Variants in KCNQ1 observed in about 807,000 individuals in gnomAD.
The protein encoded by KCNQ1 is potassium voltage-gated channel subfamily Q member 1.
Under a neutral mutation model 72.4 loss-of-function variants are expected in KCNQ1, and 49 were observed. That is an observed-to-expected ratio of 0.68 (90% confidence interval 0.54 to 0.86). The LOEUF (loss-of-function observed/expected upper bound fraction) is 0.86, where lower values mean the gene tolerates loss of function less well. Ranked by LOEUF, KCNQ1 falls within the 40% of genes least tolerant of loss-of-function variation. The pLI is 0.00. For synonymous variants in KCNQ1, 450 were observed against 412.6 expected (o/e 1.09, Z -1.10); for missense variants, 790 against 945.1 (o/e 0.84, Z 2.15).
chr11:2,653,186 C>T lies in KCNQ1; in HGVS notation c.1394-8775C>T, dbSNP rs2133845411. ...TTAGGAAATCCCTTTCCAAGAGTTC[C>T]CTGTGCTGTTGCAGGGCTAGGGCCA... On this transcript the variant is annotated intron_variant, in intron 10 of 15. Transcript: ENST00000155840. This position sits in a 1 kb window ranked among gnomAD's most constrained non-coding sequence, Gnocchi z 5.3. 2.5e-6 allele frequency: 1 copy of T among 398,714 alleles called. No individual in the cohort carries two copies. The highest frequency in any genetic ancestry group is 4.4e-6 in the Non-Finnish European group (1 of 226,112). 24.7% of individuals were successfully genotyped at this position (398,714 alleles called of 1,614,324 possible).
intron 15 of KCNQ1, among the ~76,000 whole-genome samples, chr11:2,836,250 A>C (rs538334988): frequency 6.6e-6 from 1 of 152,282 alleles, no homozygotes; most frequent in East Asian, 1.9e-4. Flanking sequence ...CCCCAGATTC[A>C]AGGCGGGTGG....
At chr11:2,633,901 T>C (rs1014926977) in intron 10 of KCNQ1, 2 of 398,520 alleles carry the variant, frequency 5.0e-6, no homozygotes, top group South Asian at 2.5e-4. Flanking sequence ...TTTTCACTTT[T>C]GTGAATATTG....
At position 2,559,312 on chromosome 11, in the gene KCNQ1, C is replaced by A. The variant is rs994640822; in HGVS notation, c.478-11316C>A. 6.6e-6 allele frequency among the ~76,000 whole-genome samples: 1 copy of A among 152,158 alleles called. No homozygotes were observed. The highest frequency in any genetic ancestry group is 1.5e-5 in the Non-Finnish European group (1 of 68,026). ...GTAGAGAAATGTGTGAACATGGCTC[C>A]CCTTAGGCCAGGGGTAGACGCAGGC... On this transcript the variant is annotated intron_variant, in intron 2 of 15. Coordinates refer to ENST00000155840, the MANE Select transcript of KCNQ1 (RefSeq NM_000218.3). The surrounding 1 kb of genome is among the most constrained non-coding windows in gnomAD (Gnocchi z 4.9).
At position 2,682,381 on chromosome 11, in the gene KCNQ1, G is replaced by A. The variant is rs1169248902; in HGVS notation, c.1514+20300G>A. On this transcript the variant is annotated intron_variant, in intron 11 of 15. Transcript: ENST00000155840. This position sits in a 1 kb window ranked among gnomAD's most constrained non-coding sequence, Gnocchi z 5.8. ...TGGCTCCTTCTATCACATTCAAGGA[G>A]CATGAGGGTATAGGCTGGCTGTTTC... is the stretch of plus-strand genomic sequence containing the variant. 2 of 398,514 alleles carry A rather than the reference G, an allele frequency of 5.0e-6. No homozygotes were observed. 24.7% of individuals were successfully genotyped at this position (398,514 alleles called of 1,614,324 possible).
chr11:2,670,252 G>T lies in KCNQ1; in HGVS notation c.1514+8171G>T. The stretch of plus-strand genomic sequence containing the variant: ...CTTTGACCCTGCACATGACGGGCGA[G>T]GGAAGAGGACCATGGTAGCTTGTCT... On this transcript the variant is annotated intron_variant, in intron 11 of 15. Coordinates refer to ENST00000155840, the MANE Select transcript of KCNQ1 (RefSeq NM_000218.3). The surrounding 1 kb of genome is among the most constrained non-coding windows in gnomAD (Gnocchi z 4.9). The T allele has an allele frequency of 2.5e-6, 1 of 398,598 alleles. No homozygotes were observed. The highest frequency in any genetic ancestry group is 1.3e-4 in the South Asian group (1 of 7,856). The allele number at this position is 398,598 out of a possible 1,614,324, so 24.7% of individuals were successfully genotyped here. A position where few individuals can be genotyped will look rare whatever the true frequency, so the allele number is the denominator to read the frequency against.
intron 11 of KCNQ1, among the ~76,000 whole-genome samples, chr11:2,733,774 C>CCACACATACACACACA (rs1845892373): frequency 1.7e-5 from 1 of 57,492 alleles, no homozygotes; most frequent in Non-Finnish European, 3.4e-5. Context: ...TTCAGGCCTT[C>CCACACATACACACACA]CACACACACA....
chr11:2,482,938 C>T lies in KCNQ1; in HGVS notation c.386+37454C>T, dbSNP rs919491592. Among the ~76,000 whole-genome samples, 6 of 152,032 alleles carry T rather than the reference C, an allele frequency of 3.9e-5. No individual in the cohort carries two copies. The highest frequency in any genetic ancestry group is 7.3e-5 in the African/African-American group (3 of 41,376). On this transcript the variant is annotated intron_variant, in intron 1 of 15. Coordinates refer to ENST00000155840, the MANE Select transcript of KCNQ1 (RefSeq NM_000218.3). The surrounding 1 kb of genome is among the most constrained non-coding windows in gnomAD (Gnocchi z 5.7). ...TGGAGAGAGTCATGGACCGGCATGG[C>T]GTGGTAATGCATGGTGCGTGTCTCT...
intron 10 of KCNQ1, chr11:2,633,992 G>A (rs1485646904): frequency 2.3e-5 from 9 of 398,410 alleles, no homozygotes; most frequent in East Asian, 7.1e-5. Flanking sequence ...TTGAAGAGTC[G>A]ACTGTATTTT....
intron 15 of KCNQ1, among the ~76,000 whole-genome samples, chr11:2,835,944 C>T (rs1338584069): frequency 2.0e-5 from 3 of 152,050 alleles, no homozygotes; most frequent in South Asian, 2.1e-4. Context: ...ACAGGGTGAT[C>T]GGGCCCGGTC....
rs566559310 is a variant in KCNQ1 at position 2,645,073 on chromosome 11, C to T, written c.1394-16888C>T. The T allele has an allele frequency of 9.5e-4, 379 of 398,694 alleles. 1 individual carries two copies. Among genetic ancestry groups the T allele is most frequent in the Middle Eastern group, 1.9e-3 (3 of 1,588 alleles). 24.7% of individuals were successfully genotyped at this position (398,694 alleles called of 1,614,324 possible). ...TGCCAATGATGACAGAGCTGGGCCACAGGGTGGGTAGGTCCTTGAGCTCTG... is the reference window on the plus strand; with the variant it reads ...TGCCAATGATGACAGAGCTGGGCCATAGGGTGGGTAGGTCCTTGAGCTCTG... On this transcript the variant is annotated intron_variant, in intron 10 of 15. Coordinates refer to ENST00000155840, the MANE Select transcript of KCNQ1 (RefSeq NM_000218.3). The surrounding 1 kb of genome is among the most constrained non-coding windows in gnomAD (Gnocchi z 5.8).
At chr11:2,513,800 C>T (rs1354826365) in intron 1 of KCNQ1, among the ~76,000 whole-genome samples, 1 of 152,260 alleles carries the variant, frequency 6.6e-6, no homozygotes, top group Non-Finnish European at 1.5e-5. Context: ...GCCTCCACCT[C>T]TGAGAAGCCC....
In KCNQ1 at chr11:2,710,164, T is replaced by C. The variant is rs1447708317; in HGVS notation, c.1514+48083T>C. Among the ~76,000 whole-genome samples the C allele has an allele frequency of 1.3e-5, 2 of 152,222 alleles. No homozygotes were observed. The highest frequency in any genetic ancestry group is 4.8e-5 in the African/African-American group (2 of 41,446). ...CACCAACACTTGTTACTGTCTGCCG[T>C]TTTCATTTTAGCCATCTTAGTGGGT... is the stretch of plus-strand genomic sequence containing the variant. On this transcript the variant is annotated intron_variant, in intron 11 of 15. Transcript: ENST00000155840. This position sits in a 1 kb window ranked among gnomAD's most constrained non-coding sequence, Gnocchi z 4.1.
intron 11 of KCNQ1, among the ~76,000 whole-genome samples, chr11:2,765,585 A>G (rs185137001): frequency 5.1e-4 from 77 of 152,332 alleles, no homozygotes; most frequent in Non-Finnish European, 9.0e-4. Context: ...AGGTGTGTTC[A>G]AATCTCCCAC....
chr11:2,566,562 G>T lies in KCNQ1; in HGVS notation c.478-4066G>T, dbSNP rs1299219576. 2.6e-5 allele frequency among the ~76,000 whole-genome samples: 4 copies of T among 152,104 alleles called. No individual in the cohort carries two copies. The highest frequency in any genetic ancestry group is 9.7e-5 in the African/African-American group (4 of 41,394). On this transcript the variant is annotated intron_variant, in intron 2 of 15. Coordinates refer to ENST00000155840, the MANE Select transcript of KCNQ1 (RefSeq NM_000218.3). This position sits in a 1 kb window ranked among gnomAD's most constrained non-coding sequence, Gnocchi z 6.7. ...CGGTGCCCAGATCTGAGGCCCTTTT[G>T]TCCATGAAGCCATCTGCAGCCAGGA...
chr11:2,467,439 CT>C (rs1319670731), intron 1 of KCNQ1, among the ~76,000 whole-genome samples: 9 of 152,138 alleles, frequency 5.9e-5, no homozygotes, highest in Non-Finnish European at 1.0e-4. Flanking sequence ...TTGATATAGG[CT>C]TCTGCAGAGG....
intron 2 of KCNQ1, among the ~76,000 whole-genome samples, chr11:2,540,712 G>A (rs1326508107): frequency 3.3e-5 from 5 of 152,234 alleles, no homozygotes; most frequent in African/African-American, 4.8e-5. Context: ...GGGAAGGTGC[G>A]TTCTGGTCCT....
At position 2,826,410 on chromosome 11, in the gene KCNQ1, G is replaced by A. The variant is rs1249517082; in HGVS notation, c.1795-21357G>A. Among the ~76,000 whole-genome samples, 1 of 152,258 alleles carries A rather than the reference G, an allele frequency of 6.6e-6. No homozygotes were observed. The highest frequency in any genetic ancestry group is 1.5e-5 in the Non-Finnish European group (1 of 68,042). Reference sequence around the variant, plus strand: ...TCAGAACCCGCGGCCAGGCCCAGCAGCCGCCTCTTGGCAGCGCTGATGGAA... The same window carrying A: ...TCAGAACCCGCGGCCAGGCCCAGCAACCGCCTCTTGGCAGCGCTGATGGAA... On this transcript the variant is annotated intron_variant, in intron 15 of 15. Transcript: ENST00000155840. The surrounding 1 kb of genome is among the most constrained non-coding windows in gnomAD (Gnocchi z 4.2).
intron 15 of KCNQ1, among the ~76,000 whole-genome samples, chr11:2,812,799 T>A (rs1216236418): frequency 1.3e-5 from 2 of 152,112 alleles, no homozygotes; most frequent in East Asian, 3.9e-4. Flanking sequence ...CCTTGCAACA[T>A]CCCCTTCCTG....
chr11:2,652,077 G>A lies in KCNQ1; in HGVS notation c.1394-9884G>A, dbSNP rs2133844023. On this transcript the variant is annotated intron_variant, in intron 10 of 15. Coordinates refer to ENST00000155840, the MANE Select transcript of KCNQ1 (RefSeq NM_000218.3). The surrounding 1 kb of genome is among the most constrained non-coding windows in gnomAD (Gnocchi z 5.9). ...TCCAGGCTCCAATTTGAGAAGCTAT[G>A]GGGAGCCTCTCGGCCCCAGTTCTGG... The A allele has an allele frequency of 2.5e-6, 1 of 398,692 alleles. No individual in the cohort carries two copies. Among genetic ancestry groups the A allele is most frequent in the East Asian group, 3.6e-5 (1 of 28,060 alleles). The allele number at this position is 398,692 out of a possible 1,614,324, so 24.7% of individuals were successfully genotyped here.
Sources: gnomAD v4.1 joint callset for allele counts (sites outside exome capture counted in the v4.1 genomes callset) on GRCh38, gnomAD v4.1.1 for gene constraint, Gnocchi (gnomAD v3.1) non-coding constraint, MANE v1.5 for transcripts, NCBI Gene and HGNC (gene_info 2026-07-23, HGNC 2026-07-21) for gene names.